The following SLC2A9 variants were observed in gnomAD, a reference collection of about 807,000 sequenced individuals.
The protein encoded by SLC2A9 is solute carrier family 2 member 9.
SLC2A9 carries 39 observed loss-of-function variants against 50.6 expected under a neutral mutation model. That is an observed-to-expected ratio of 0.77 (90% confidence interval 0.60 to 1.01). SLC2A9 has a LOEUF of 1.01. Among genes scored for constraint, SLC2A9 ranks in the 50% least tolerant of loss-of-function variants. The probability of loss-of-function intolerance (pLI) is 0.00; values close to 1 mark genes in which losing one functional copy is unlikely to be tolerated. For synonymous variants in SLC2A9, 324 were observed against 276.9 expected (o/e 1.17, Z -1.69); for missense variants, 686 against 677.6 (o/e 1.01, Z -0.14).
At chr4:9,924,471 G>A (rs970663398) in intron 6 of SLC2A9, among the ~76,000 whole-genome samples, 17 of 152,144 alleles carry the variant, frequency 1.1e-4, no homozygotes, top group African/African-American at 3.6e-4. Context: ...GAGGTGACTG[G>A]GTGGGTGGGG....
At chr4:9,802,806 C>T (rs1207271134) in intron 3 of SLC2A9, among the ~76,000 whole-genome samples, 1 of 152,102 alleles carries the variant, frequency 6.6e-6, no homozygotes, top group Non-Finnish European at 1.5e-5. Flanking sequence ...CAGGTGAATC[C>T]ACCTGCCTTG....
intron 11 of SLC2A9, among the ~76,000 whole-genome samples, chr4:9,830,539 A>C (rs1725950687): frequency 6.6e-6 from 1 of 152,232 alleles, no homozygotes; most frequent in Admixed American, 6.5e-5. Context: ...GAAGAAAAAC[A>C]AAAAGCTCAG....
intron 1 of SLC2A9, among the ~76,000 whole-genome samples, chr4:10,039,273 A>C (rs1374406939): frequency 1.3e-5 from 2 of 152,192 alleles, no homozygotes; most frequent in African/African-American, 4.8e-5. Flanking sequence ...ACCCTCATGC[A>C]CATGCAGTGT....
chr4:9,799,692 A>ACCCC (rs57223650), intron 3 of SLC2A9, among the ~76,000 whole-genome samples: 3,967 of 69,172 alleles, frequency 0.057, 149 homozygotes, highest in African/African-American at 0.084. Flanking sequence ...TTCCAATTGT[A>ACCCC]CCCCCCCCCC....
intron 2 of SLC2A9, among the ~76,000 whole-genome samples, chr4:10,001,897 A>G (rs189904296): frequency 2.9e-4 from 44 of 152,320 alleles, no homozygotes; most frequent in African/African-American, 9.4e-4. Context: ...ATAACTACAG[A>G]AGCCAAACAT....
chr4:9,881,589 G>A (rs1389903735), intron 10 of SLC2A9, among the ~76,000 whole-genome samples: 7 of 152,158 alleles, frequency 4.6e-5, no homozygotes, highest in Admixed American at 3.9e-4. Flanking sequence ...GTGGTCCCTG[G>A]CATGCATTCT....
At chr4:9,852,943 C>T (rs1477389793) in intron 10 of SLC2A9, among the ~76,000 whole-genome samples, 1 of 152,188 alleles carries the variant, frequency 6.6e-6, no homozygotes, top group African/African-American at 2.4e-5. Flanking sequence ...GTAATCCCAG[C>T]ACTTTGGGAG....
At chr4:9,863,973 C>T (rs1732049296) in intron 10 of SLC2A9, among the ~76,000 whole-genome samples, 1 of 152,094 alleles carries the variant, frequency 6.6e-6, no homozygotes, top group African/African-American at 2.4e-5. Flanking sequence ...GCCACCTACA[C>T]ATTCCTCCCA....
intron 10 of SLC2A9, among the ~76,000 whole-genome samples, chr4:9,846,880 T>C (rs1417392606): frequency 6.6e-6 from 1 of 152,202 alleles, no homozygotes; most frequent in Non-Finnish European, 1.5e-5. Context: ...CCTAGAAATC[T>C]CCTTAAAAAT....
chr4:9,918,462 G>T (rs73094598), intron 7 of SLC2A9, among the ~76,000 whole-genome samples: 11,409 of 152,220 alleles, frequency 0.075, 1,423 homozygotes, highest in African/African-American at 0.26. Context: ...GGGATGGCCT[G>T]GGGACACAGC....
At chr4:9,814,115 G>A (rs889255478) in intron 3 of SLC2A9, among the ~76,000 whole-genome samples, 3 of 152,110 alleles carry the variant, frequency 2.0e-5, no homozygotes, top group Admixed American at 6.5e-5. Flanking sequence ...ACTGCAGCCT[G>A]GGCAACAGAG....
At chr4:9,892,084 C>T (rs1577731427) in intron 8 of SLC2A9, among the ~76,000 whole-genome samples, 2 of 152,354 alleles carry the variant, frequency 1.3e-5, no homozygotes, top group South Asian at 4.1e-4. Context: ...TAGAGGGAGG[C>T]AGGTGAGAAG....
intron 3 of SLC2A9, among the ~76,000 whole-genome samples, chr4:9,784,246 T>G (rs779138577): frequency 1.1e-4 from 17 of 152,090 alleles, no homozygotes; most frequent in Non-Finnish European, 2.2e-4. Flanking sequence ...AAACCTGGCT[T>G]CAATGGCATG....
At chr4:9,775,017 A>T (rs114376031), downstream of SLC2A9, among the ~76,000 whole-genome samples, 454 of 152,244 alleles carry the variant, frequency 3.0e-3, 4 homozygotes, top group African/African-American at 9.8e-3. Flanking sequence ...ACATGCTTGC[A>T]CACCTCGGTG....
intron 4 of SLC2A9, among the ~76,000 whole-genome samples, chr4:9,981,921 G>T (rs1488821929): frequency 2.7e-5 from 4 of 148,618 alleles, no homozygotes; most frequent in Admixed American, 2.0e-4. Context: ...CACTCTTGTT[G>T]CCCAGGCTGG....
upstream of SLC2A9, among the ~76,000 whole-genome samples, chr4:10,021,902 C>A (rs1239334058): frequency 4.0e-5 from 6 of 150,680 alleles, no homozygotes; most frequent in African/African-American, 7.4e-5. Flanking sequence ...TGCACTGATG[C>A]AATCTCTGCT....
chr4:9,885,683 C>A (rs1736077314), intron 10 of SLC2A9, among the ~76,000 whole-genome samples: 1 of 152,180 alleles, frequency 6.6e-6, no homozygotes, highest in South Asian at 2.1e-4. Context: ...GATTGTGAAC[C>A]ACACACCAGG....
chr4:9,980,320 A>C (rs1755508218), intron 5 of SLC2A9, among the ~76,000 whole-genome samples: 1 of 152,260 alleles, frequency 6.6e-6, no homozygotes, highest in Non-Finnish European at 1.5e-5. Flanking sequence ...AAAGCACAGA[A>C]GATGCCTAAA....
At chr4:9,779,617 T>C (rs533592648), downstream of SLC2A9, among the ~76,000 whole-genome samples, 146 of 152,016 alleles carry the variant, frequency 9.6e-4, no homozygotes, top group Non-Finnish European at 1.9e-3. Flanking sequence ...AGTTTCACCA[T>C]GTTAGCCAGG....
Sources: gnomAD v4.1 joint callset for allele counts (sites outside exome capture counted in the v4.1 genomes callset) on GRCh38, gnomAD v4.1.1 for gene constraint, MANE v1.5 for transcripts, NCBI Gene and HGNC (gene_info 2026-07-23, HGNC 2026-07-21) for gene names.